The following RNGTT variants were observed in gnomAD, a reference collection of about 807,000 sequenced individuals.
RNGTT encodes the protein mRNA-capping enzyme.
RNGTT carries 33 observed loss-of-function variants against 79.3 expected under a neutral mutation model. That is an observed-to-expected ratio of 0.42 (90% CI 0.32 to 0.56). RNGTT has a LOEUF of 0.56. RNGTT is among the 20% of genes least tolerant of loss of function. RNGTT has a pLI of 0.17. For missense variants in RNGTT, 497 were observed against 739.1 expected (o/e 0.67, Z 3.80); for synonymous variants, 222 against 235.9 (o/e 0.94, Z 0.54).
At chr6:88,716,500 A>C (rs1776519510) in intron 13 of RNGTT, among the ~76,000 whole-genome samples, 1 of 152,222 alleles carries the variant, frequency 6.6e-6, no homozygotes, top group South Asian at 2.1e-4. Flanking sequence ...TCATGCTGCT[A>C]TAAAGACACA....
chr6:88,837,047 C>T (rs1019946531), intron 11 of RNGTT, among the ~76,000 whole-genome samples: 15 of 152,116 alleles, frequency 9.9e-5, no homozygotes, highest in African/African-American at 3.1e-4. Flanking sequence ...CAAATAATTC[C>T]GTGGAGGAAT....
intron 4 of RNGTT, among the ~76,000 whole-genome samples, chr6:88,907,608 G>A (rs186065333): frequency 7.2e-5 from 11 of 151,922 alleles, no homozygotes; most frequent in Non-Finnish European, 1.5e-4. Context: ...GAGAAGAGAC[G>A]AATATAACTA....
At position 88,872,743 on chromosome 6, in the gene RNGTT, T is replaced by G. The variant is rs182635929; in HGVS notation, c.896+17752A>C. Among the ~76,000 whole-genome samples the G allele has an allele frequency of 7.2e-5, 11 of 152,278 alleles. No individual in the cohort carries two copies. The East Asian group carries it at 2.1e-3, about 29-fold the overall frequency. ...GGAAGGAGAAAAGAGCATCAGCAGA[T>G]GCACTATTTCAATAAATTTCTGGTT... On this transcript the variant is annotated intron_variant, in intron 8 of 15. Transcript: ENST00000369485.
intron 13 of RNGTT, among the ~76,000 whole-genome samples, chr6:88,720,642 T>G (rs2127812908): frequency 6.6e-6 from 1 of 152,294 alleles, no homozygotes; most frequent in South Asian, 2.1e-4. Context: ...TGGTATTTGC[T>G]ATGTCATTAA....
chr6:88,637,025 T>C (rs1260812953), intron 14 of RNGTT, among the ~76,000 whole-genome samples: 3 of 152,136 alleles, frequency 2.0e-5, no homozygotes, highest in Non-Finnish European at 4.4e-5. Flanking sequence ...TTAAGCAATG[T>C]AACCTGAAGC....
intron 12 of RNGTT, among the ~76,000 whole-genome samples, chr6:88,779,041 G>A (rs1368747523): frequency 6.6e-6 from 1 of 152,078 alleles, no homozygotes; most frequent in African/African-American, 2.4e-5. Context: ...CAACCCATTA[G>A]TGAAGAGAAT....
At chr6:88,838,846 T>C (rs546519022) in intron 11 of RNGTT, among the ~76,000 whole-genome samples, 1 of 152,242 alleles carries the variant, frequency 6.6e-6, no homozygotes, top group East Asian at 1.9e-4. Flanking sequence ...TAATACTATC[T>C]GATTTCAAGA....
At chr6:88,953,174 A>C (rs548934762) in intron 1 of RNGTT, among the ~76,000 whole-genome samples, 1 of 152,356 alleles carries the variant, frequency 6.6e-6, no homozygotes, top group South Asian at 2.1e-4. Flanking sequence ...TCAGCTATTC[A>C]AGGAGATACC....
chr6:88,739,342 GT>G (rs995261027), intron 13 of RNGTT, among the ~76,000 whole-genome samples: 2 of 152,014 alleles, frequency 1.3e-5, no homozygotes, highest in African/African-American at 4.8e-5. Context: ...GCTGGTAAGT[GT>G]TTTTTTGAGG....
Position 88,941,278 on chromosome 6 carries a change from T to C in RNGTT, c.65-98A>G, listed in dbSNP as rs114673038. 9.8e-4 allele frequency: 787 copies of C among 806,172 alleles called. 6 individuals are homozygous for C. The African/African-American group carries it at 0.012, about 12-fold the overall frequency. 49.9% of individuals were successfully genotyped at this position (806,172 alleles called of 1,614,324 possible). A position where few individuals can be genotyped will look rare whatever the true frequency, so the allele number is the denominator to read the frequency against. On this transcript the variant is annotated intron_variant, in intron 1 of 15. Coordinates refer to ENST00000369485, the MANE Select transcript of RNGTT (RefSeq NM_003800.5). Reference sequence around the variant, plus strand: ...CTCAAATATCACCTTCTTAAAACCTTTTTTTTTGAGACCAAGTGTCGCTCT... The same window carrying C: ...CTCAAATATCACCTTCTTAAAACCTCTTTTTTTGAGACCAAGTGTCGCTCT...
At chr6:88,728,694 T>C (rs1016480160) in intron 13 of RNGTT, among the ~76,000 whole-genome samples, 1 of 152,158 alleles carries the variant, frequency 6.6e-6, no homozygotes, top group African/African-American at 2.4e-5. Flanking sequence ...CAGACCCTAT[T>C]AGATTCTTTG....
At chr6:88,803,855 A>G (rs1779872385) in intron 11 of RNGTT, among the ~76,000 whole-genome samples, 1 of 152,128 alleles carries the variant, frequency 6.6e-6, no homozygotes, top group Admixed American at 6.5e-5. Context: ...GCAAGACTCT[A>G]CATAACATGA....
intron 12 of RNGTT, among the ~76,000 whole-genome samples, chr6:88,788,004 T>C (rs1345780727): frequency 6.6e-6 from 1 of 152,220 alleles, no homozygotes; most frequent in African/African-American, 2.4e-5. Context: ...AGTTTGTCTT[T>C]GATATGCAGA....
rs554708862 is a variant in RNGTT at position 88,942,515 on chromosome 6, G to A, written c.65-1335C>T. On this transcript the variant is annotated intron_variant, in intron 1 of 15. Coordinates refer to ENST00000369485, the MANE Select transcript of RNGTT (RefSeq NM_003800.5). ...CCCCCCAGTAGCTGGGACTACAGAC[G>A]CACACCACCACACTCAGCTAATTTT... Among the ~76,000 whole-genome samples the A allele has an allele frequency of 8.6e-5, 13 of 151,950 alleles. No homozygotes were observed. The South Asian group carries it at 1.9e-3, about 22-fold the overall frequency.
At chr6:88,872,025 A>G (rs1782375080) in intron 8 of RNGTT, among the ~76,000 whole-genome samples, 3 of 152,060 alleles carry the variant, frequency 2.0e-5, no homozygotes, top group African/African-American at 7.2e-5. Context: ...CCTTTCCACC[A>G]TTAAATTAGA....
intron 11 of RNGTT, among the ~76,000 whole-genome samples, chr6:88,827,197 T>C (rs1228281744): frequency 9.9e-5 from 15 of 152,116 alleles, no homozygotes; most frequent in Non-Finnish European, 1.2e-4. Context: ...ACCTGGCTCA[T>C]CTCGTTGGGA....
chr6:88,782,510 A>T (rs1779097166), intron 12 of RNGTT, among the ~76,000 whole-genome samples: 1 of 152,094 alleles, frequency 6.6e-6, no homozygotes, highest in Admixed American at 6.6e-5. Context: ...TCTGGATATA[A>T]CACCAAAAGC....
chr6:88,805,514 A>C (rs991420093), intron 11 of RNGTT, among the ~76,000 whole-genome samples: 2 of 152,206 alleles, frequency 1.3e-5, no homozygotes, highest in Admixed American at 1.3e-4. Context: ...ATCCATATGC[A>C]GCTATACAAG....
At chr6:88,682,399 C>T (rs112667969) in intron 13 of RNGTT, among the ~76,000 whole-genome samples, 4 of 152,132 alleles carry the variant, frequency 2.6e-5, no homozygotes, top group Admixed American at 2.6e-4. Context: ...ACATCCAATA[C>T]ATCTACTATT....
Sources: gnomAD v4.1 joint callset for allele counts (sites outside exome capture counted in the v4.1 genomes callset) on GRCh38, gnomAD v4.1.1 for gene constraint, MANE v1.5 for transcripts, NCBI Gene and HGNC (gene_info 2026-07-23, HGNC 2026-07-21) for gene names.